AGO4: variants seen among roughly 807,000 people sequenced by gnomAD.
The protein encoded by AGO4 is argonaute RISC component 4, also known as protein argonaute-4.
Under a neutral mutation model 104.7 loss-of-function variants are expected in AGO4, and 33 were observed. That is an observed-to-expected ratio of 0.32 (90% CI 0.24 to 0.42). The LOEUF is 0.42. AGO4 is among the 10% of genes least tolerant of loss of function. The pLI is 1.00. For synonymous variants in AGO4, 331 were observed against 364.7 expected, an observed-to-expected ratio of 0.91 and a Z score of 1.05; for missense variants, 711 against 1,083.4, an observed-to-expected ratio of 0.66 and a Z score of 4.83.
rs1304226792 is a variant in AGO4 at position 35,835,856 on chromosome 1, T to C, written c.1587T>C (p.Asp529=). The stretch of plus-strand genomic sequence containing the variant: ...TAGCGGAGGTGAAACGTGTTGGAGA[T>C]ACCCTTCTAGGTATGGCCACACAGT... ...PVYAEVKRVG[D]TLLGMATQCV... Residue 529 remains aspartate, a synonymous_variant, in exon 13 of 18, where the codon GAT becomes GAC. Coordinates refer to ENST00000373210, the MANE Select transcript of AGO4 (RefSeq NM_017629.4). 31 of 1,611,306 alleles carry C rather than the reference T, an allele frequency of 1.9e-5. No homozygotes were observed. The highest frequency in any genetic ancestry group is 2.4e-5 in the Non-Finnish European group (28 of 1,179,284).
chr1:35,835,020 T>C (rs2148671351), intron 12 of AGO4, among the ~76,000 whole-genome samples: 1 of 148,410 alleles, frequency 6.7e-6, no homozygotes, highest in East Asian at 2.0e-4. Context: ...TTTTTTTTTT[T>C]TTTTTTTTGA....
upstream of AGO4, among the ~76,000 whole-genome samples, chr1:35,808,004 G>A (rs76097034): frequency 0.089 from 13,433 of 150,694 alleles, 2,060 homozygotes; most frequent in East Asian, 0.7. The surrounding 1 kb of genome is among the most constrained non-coding windows in gnomAD (Gnocchi z 5.2). Flanking sequence ...TGCACCCTCC[G>A]GGCGCGCGCT....
chr1:35,822,757 T>C (rs1473815740), intron 2 of AGO4, 105 bp from the exon 3 acceptor site: 18 of 1,418,336 alleles, frequency 1.3e-5, no homozygotes, highest in Non-Finnish European at 1.6e-5. Context: ...TCTTACTTTT[T>C]CCAAGTAATA....
At chr1:35,833,699 C>T (rs908755090) in intron 11 of AGO4, among the ~76,000 whole-genome samples, 1 of 152,154 alleles carries the variant, frequency 6.6e-6, no homozygotes, top group Admixed American at 6.6e-5. Context: ...GATCTTTGAA[C>T]AGCAATGCTA....
At chr1:35,829,331 CA>C (rs1292923666) in intron 7 of AGO4, among the ~76,000 whole-genome samples, 3 of 150,590 alleles carry the variant, frequency 2.0e-5, no homozygotes, top group Admixed American at 2.0e-4. Flanking sequence ...AAAAAGTTAC[CA>C]AAACCTTATG....
At position 35,841,811 on chromosome 1, in the gene AGO4, CATATATATAT is replaced by C. The variant is rs5773512; in HGVS notation, c.2175+79_2175+88del. On this transcript the variant is annotated intron_variant, in intron 15 of 17. Coordinates refer to ENST00000373210, the MANE Select transcript of AGO4 (RefSeq NM_017629.4). This position sits in a 1 kb window ranked among gnomAD's most constrained non-coding sequence, Gnocchi z 4.7. ...CTCTGGCAAGAGATGTATATATGCA[CATATATATAT>C]ATATATATATATATATACACCATTT... is the stretch of plus-strand genomic sequence containing the variant. 1.4e-4 allele frequency: 86 copies of C among 606,376 alleles called. 2 individuals are homozygous for C. Among genetic ancestry groups the C allele is most frequent in the African/African-American group, 6.6e-4 (33 of 49,672 alleles). 37.6% of individuals were successfully genotyped at this position (606,376 alleles called of 1,614,324 possible). A position where few individuals can be genotyped will look rare whatever the true frequency, so the allele number is the denominator to read the frequency against.
intron 9 of AGO4, 40 bp downstream of exon 9, chr1:35,831,971 A>G (rs1644196263): frequency 6.2e-7 from 1 of 1,608,160 alleles, no homozygotes; most frequent in East Asian, 2.2e-5. Context: ...TAGCTTTGAG[A>G]TGACAAAAAA....
chr1:35,851,034 G>C lies in AGO4; in HGVS notation c.2458G>C (p.Val820Leu). 6.2e-7 allele frequency: 1 copy of C among 1,612,464 alleles called. No homozygotes were observed. Among genetic ancestry groups the C allele is most frequent in the Non-Finnish European group, 8.5e-7 (1 of 1,179,232 alleles). Residue 820 changes from valine to leucine, a missense_variant, in exon 17 of 18, where the codon GTG becomes CTG. By Grantham distance (32) the Val-to-Leu change is conservative. Around this residue, in one of 3 missense-constraint regions of AGO4, gnomAD observed 401 missense variants for 665.5 expected, o/e 0.60. Coordinates refer to ENST00000373210, the MANE Select transcript of AGO4 (RefSeq NM_017629.4). ...AGCATTTAGGGCAAGGTATCATCTGGTGGATAAAGATCATGACAGGCAAGT... is the reference window on the plus strand; with the variant it reads ...AGCATTTAGGGCAAGGTATCATCTGCTGGATAAAGATCATGACAGGCAAGT... ...LVAFRARYHL[V>L]DKDHDSAEGS...
rs546726608 is a variant in AGO4, at chr1:35,839,962, G to A, written c.1725-1203G>A. On this transcript the variant is annotated intron_variant, in intron 13 of 17. Coordinates refer to ENST00000373210, the MANE Select transcript of AGO4 (RefSeq NM_017629.4). ...AGCCTGGGCAACAGAGTGAGACCCT[G>A]TCTCAAAAAAAAAAAAAAAAGGGTA... Among the ~76,000 whole-genome samples the A allele has an allele frequency of 2.1e-5, 3 of 141,030 alleles. No individual in the cohort carries two copies. In the East Asian group the frequency reaches 6.2e-4, roughly 29 times the overall value. 92.5% of individuals were successfully genotyped at this position (141,030 alleles called of 152,430 possible).
intron 11 of AGO4, among the ~76,000 whole-genome samples, chr1:35,832,804 A>G (rs1057154004): frequency 3.9e-5 from 6 of 152,146 alleles, no homozygotes; most frequent in African/African-American, 1.4e-4. Flanking sequence ...CAAGGTGGAG[A>G]CAATGTTGGT....
At chr1:35,818,950 C>A (rs940904708) in intron 2 of AGO4, among the ~76,000 whole-genome samples, 20 of 152,148 alleles carry the variant, frequency 1.3e-4, no homozygotes, top group African/African-American at 4.6e-4. Context: ...TGAAATTAGA[C>A]CCTAGCAGGT....
chr1:35,830,185 A>G (rs1314364331), intron 7 of AGO4, among the ~76,000 whole-genome samples: 1 of 150,584 alleles, frequency 6.6e-6, no homozygotes, highest in Non-Finnish European at 1.5e-5. Context: ...TTATTATTGT[A>G]CTAAGTATTT....
chr1:35,839,065 C>G (rs962614143), intron 13 of AGO4, among the ~76,000 whole-genome samples: 1 of 152,094 alleles, frequency 6.6e-6, no homozygotes, highest in African/African-American at 2.4e-5. Flanking sequence ...ACTGCAAACT[C>G]CGCCTCCCAG....
chr1:35,826,689 C>G (rs1644028328), intron 6 of AGO4, 59 bp from the exon 7 acceptor site: 1 of 1,365,102 alleles, frequency 7.3e-7, no homozygotes, highest in East Asian at 2.4e-5. Context: ...ACATTTGAAT[C>G]TGTTTTTGCC....
intron 15 of AGO4, among the ~76,000 whole-genome samples, chr1:35,844,331 A>C (rs576598056): frequency 6.6e-6 from 1 of 152,304 alleles, no homozygotes; most frequent in Non-Finnish European, 1.5e-5. Context: ...GGCGTGAGCC[A>C]CCACACCTGT....
In AGO4 at chr1:35,850,182, C is replaced by G; in HGVS notation, c.2201C>G (p.Ala734Gly). 6.3e-7 allele frequency: 1 copy of G among 1,593,780 alleles called. No individual in the cohort carries two copies. Among genetic ancestry groups the G allele is most frequent in the Non-Finnish European group, 8.5e-7 (1 of 1,171,620 alleles). The change falls in exon 16 of 18, where the codon GCA (alanine) becomes GGA (glycine). Residue 734 changes from alanine (A) to glycine (G), a missense_variant. Physicochemically the swap from Ala to Gly is moderately conservative, Grantham distance 60. Transcript: ENST00000373210. ...GTAGGGAAAAGTGGCAATGTACCAGCAGGCACTACAGTGGATAGTACCATC... is the reference window on the plus strand; with the variant it reads ...GTAGGGAAAAGTGGCAATGTACCAGGAGGCACTACAGTGGATAGTACCATC... Reference protein sequence around the residue: ...ERVGKSGNVPAGTTVDSTITH... With the variant: ...ERVGKSGNVPGGTTVDSTITH...
At chr1:35,845,112 AC>A (rs1285157863) in intron 15 of AGO4, among the ~76,000 whole-genome samples, 20 of 41,166 alleles carry the variant, frequency 4.9e-4, no homozygotes, top group African/African-American at 1.8e-3. Context: ...TTGTAATCAG[AC>A]TTTTTTTTTT....
intron 6 of AGO4, 124 bp from the exon 7 acceptor site, chr1:35,826,624 G>T: frequency 1.2e-6 from 1 of 844,352 alleles, no homozygotes; most frequent in Non-Finnish European, 1.9e-6. Context: ...CGATGAAATT[G>T]TCCCCATATT....
intron 3 of AGO4, among the ~76,000 whole-genome samples, chr1:35,824,490 T>C (rs911385932): frequency 6.6e-6 from 1 of 152,058 alleles, no homozygotes; most frequent in South Asian, 2.1e-4. Context: ...TAAAATAATA[T>C]ATAACATAAA....
Sources: gnomAD v4.1 joint callset for allele counts (sites outside exome capture counted in the v4.1 genomes callset) on GRCh38, gnomAD v4.1.1 for gene constraint, gnomAD v4.1.1 regional missense constraint, Gnocchi (gnomAD v3.1) non-coding constraint, MANE v1.5 for transcripts, NCBI Gene and HGNC (gene_info 2026-07-23, HGNC 2026-07-21) for gene names.